CNTN3: variants seen among roughly 807,000 people sequenced by gnomAD.
The protein encoded by CNTN3 is contactin-3.
In CNTN3, 60 loss-of-function variants were observed where a neutral mutation model predicts 119.1. The observed-to-expected ratio is 0.50, with a 90% CI of 0.41 to 0.62. The LOEUF (loss-of-function observed/expected upper bound fraction) is 0.62. Among genes scored for constraint, CNTN3 ranks in the 20% least tolerant of loss-of-function variants. The pLI is 0.00. For synonymous variants in CNTN3, 450 were observed against 438.7 expected (o/e 1.03, Z -0.32); for missense variants, 1,101 against 1,242.4 (o/e 0.89, Z 1.71).
intron 1 of CNTN3, among the ~76,000 whole-genome samples, chr3:74,574,643 G>C (rs565079279): frequency 6.6e-6 from 1 of 152,202 alleles, no homozygotes; most frequent in South Asian, 2.1e-4. Context: ...GTTTTTCCCA[G>C]TGCTACACAT....
intron 4 of CNTN3, among the ~76,000 whole-genome samples, chr3:74,485,805 A>G (rs904901008): frequency 2.0e-5 from 3 of 152,058 alleles, no homozygotes; most frequent in African/African-American, 7.2e-5. Flanking sequence ...CCAAGTCCAA[A>G]TTTCCTAGAG....
rs113401245 is a variant in CNTN3, at chr3:74,597,340, C to T, written c.-81+17051G>A. On this transcript the variant is annotated intron_variant, in intron 1 of 22. Coordinates refer to ENST00000263665, the MANE Select transcript of CNTN3 (RefSeq NM_020872.3). Reference sequence around the variant, plus strand: ...AAAACTCTCTGCACTCAAAGATCTTCCCTAAGCAAAAATCTTTCTAGAACT... The same window carrying T: ...AAAACTCTCTGCACTCAAAGATCTTTCCTAAGCAAAAATCTTTCTAGAACT... Among the ~76,000 whole-genome samples, 1,251 of 152,020 alleles carry T rather than the reference C, an allele frequency of 8.2e-3. 12 individuals carry two copies. Among genetic ancestry groups the T allele is most frequent in the Non-Finnish European group, 0.012 (842 of 67,914 alleles).
chr3:74,588,058 GT>G, intron 1 of CNTN3, among the ~76,000 whole-genome samples: 1 of 152,178 alleles, frequency 6.6e-6, no homozygotes, highest in East Asian at 1.9e-4. Context: ...CAATCATGTG[GT>G]TTTTGTCTTT....
chr3:74,587,964 G>T (rs534949156), intron 1 of CNTN3, among the ~76,000 whole-genome samples: 1 of 152,170 alleles, frequency 6.6e-6, no homozygotes, highest in Non-Finnish European at 1.5e-5. Context: ...TTTGAGATAC[G>T]TCCCATCAAT....
At chr3:74,345,291 C>T (rs1007658217) in intron 11 of CNTN3, among the ~76,000 whole-genome samples, 3 of 152,118 alleles carry the variant, frequency 2.0e-5, no homozygotes, top group African/African-American at 7.2e-5. Context: ...ACTAGTCAAG[C>T]GCAGGTTCTG....
intron 1 of CNTN3, among the ~76,000 whole-genome samples, chr3:74,588,555 C>T (rs1029228838): frequency 6.6e-6 from 1 of 151,908 alleles, no homozygotes; most frequent in Non-Finnish European, 1.5e-5. Flanking sequence ...GATTCAATGC[C>T]ATCCCCATCA....
At chr3:74,320,187 T>G (rs1166227965) in intron 13 of CNTN3, among the ~76,000 whole-genome samples, 6 of 152,202 alleles carry the variant, frequency 3.9e-5, no homozygotes, top group African/African-American at 1.4e-4. Flanking sequence ...CAAAGGAGTA[T>G]AAATCATGCT....
At position 74,397,380 on chromosome 3, in the gene CNTN3, A is replaced by G. The variant is rs75465420; in HGVS notation, c.455-25981T>C. 6.9e-3 allele frequency among the ~76,000 whole-genome samples: 1,055 copies of G among 152,276 alleles called. 9 individuals are homozygous for G. Among genetic ancestry groups the G allele is most frequent in the South Asian group, 0.025 (122 of 4,830 alleles). On this transcript the variant is annotated intron_variant, in intron 5 of 22. Coordinates refer to ENST00000263665, the MANE Select transcript of CNTN3 (RefSeq NM_020872.3). ...AGATAAATGCTGTTTACATGCCTGC[A>G]AATACATCTATTCTGCAGCCCGTGT... is the stretch of plus-strand genomic sequence containing the variant.
At chr3:74,314,923 A>G (rs1701884263) in intron 13 of CNTN3, among the ~76,000 whole-genome samples, 1 of 152,208 alleles carries the variant, frequency 6.6e-6, no homozygotes, top group South Asian at 2.1e-4. Context: ...CTGCATTCCC[A>G]GGAGGTCAGC....
rs763763403 is a variant in CNTN3, at chr3:74,302,831, T to C, written c.1669-24A>G. On this transcript the variant is annotated intron_variant, in intron 13 of 22. Transcript: ENST00000263665. The stretch of plus-strand genomic sequence containing the variant: ...CTCTGTTGGGAAAACAGGTAATGAA[T>C]ACACTGTTATTTTTTTAAAAAACAC... 20 of 1,425,608 alleles carry C rather than the reference T, an allele frequency of 1.4e-5. No individual in the cohort carries two copies. The African/African-American group carries it at 2.4e-4, about 17-fold the overall frequency. The allele number at this position is 1,425,608 out of a possible 1,614,324, so 88.3% of individuals were successfully genotyped here.
rs911277023 is a variant in CNTN3, at chr3:74,557,506, A to G, written c.-80-36314T>C. Among the ~76,000 whole-genome samples the G allele has an allele frequency of 2.6e-5, 4 of 152,300 alleles. No individual in the cohort carries two copies. In the East Asian group the frequency reaches 7.7e-4, roughly 29 times the overall value. ...ATATAGTGCTGTGTCTTCAACAGGT[A>G]GGACATACAGGTTTAGGAACCAAGG... On this transcript the variant is annotated intron_variant, in intron 1 of 22. Transcript: ENST00000263665.
At chr3:74,478,964 G>A (rs796689755) in intron 4 of CNTN3, among the ~76,000 whole-genome samples, 1 of 152,006 alleles carries the variant, frequency 6.6e-6, no homozygotes, top group Admixed American at 6.6e-5. Flanking sequence ...CTCTTAAATT[G>A]TAAAAAATAT....
chr3:74,457,396 C>A (rs533664248), intron 4 of CNTN3, among the ~76,000 whole-genome samples: 64 of 151,908 alleles, frequency 4.2e-4, no homozygotes, highest in Non-Finnish European at 7.9e-4. Flanking sequence ...ACTTTATCAT[C>A]AACTATGTGC....
chr3:74,366,780 G>GTATATATATATATATATATA (rs59223804), intron 8 of CNTN3, among the ~76,000 whole-genome samples: 1,494 of 63,556 alleles, frequency 0.024, 113 homozygotes, highest in African/African-American at 0.031. Flanking sequence ...GTGTGTGTGT[G>GTATATATATATATATATATA]TATATATATA....
At chr3:74,555,065 TTATTA>T (rs1232955008) in intron 1 of CNTN3, among the ~76,000 whole-genome samples, 4 of 152,322 alleles carry the variant, frequency 2.6e-5, no homozygotes, top group African/African-American at 9.6e-5. Context: ...TAAACAGCTC[TTATTA>T]TATTGAGATA....
chr3:74,451,941 G>A (rs1235786198), intron 4 of CNTN3, among the ~76,000 whole-genome samples: 1 of 115,246 alleles, frequency 8.7e-6, no homozygotes, highest in Non-Finnish European at 1.7e-5. Context: ...TTTGAAGTCA[G>A]GTAGCGTGAG....
chr3:74,363,063 A>C (rs1402366507), intron 10 of CNTN3, among the ~76,000 whole-genome samples: 1 of 152,198 alleles, frequency 6.6e-6, no homozygotes, highest in Non-Finnish European at 1.5e-5. Flanking sequence ...GACTCCACCC[A>C]TTTTAAAGAT....
chr3:74,317,537 T>G (rs1488135408), intron 13 of CNTN3, among the ~76,000 whole-genome samples: 2 of 152,088 alleles, frequency 1.3e-5, no homozygotes, highest in Non-Finnish European at 2.9e-5. Context: ...GGCCTGGTGG[T>G]GACAAAATCT....
chr3:74,558,354 A>C (rs1322987428), intron 1 of CNTN3, among the ~76,000 whole-genome samples: 2 of 152,176 alleles, frequency 1.3e-5, no homozygotes, highest in Admixed American at 1.3e-4. Context: ...CTCAGAGTCC[A>C]TTTCCCAAAG....
Sources: allele counts gnomAD v4.1 joint callset (sites outside exome capture counted in the v4.1 genomes callset), GRCh38; gene constraint gnomAD v4.1.1; transcripts MANE v1.5; gene names NCBI Gene and HGNC (gene_info 2026-07-23, HGNC 2026-07-21).